Variants in RGS7 observed in about 807,000 individuals in gnomAD.
The protein encoded by RGS7 is regulator of G protein signaling 7.
In RGS7, 27 loss-of-function variants were observed where a neutral mutation model predicts 81.1. That is an observed-to-expected ratio of 0.33 (90% confidence interval 0.25 to 0.46). The LOEUF is 0.46. RGS7 is among the 20% of genes least tolerant of loss of function. The pLI is 1.00. For missense variants in RGS7, 396 were observed against 607.4 expected (o/e 0.65, Z 3.66); for synonymous variants, 208 against 207.7 (o/e 1.00, Z -0.01).
chr1:240,915,063 G>C (rs1672375366), intron 6 of RGS7, among the ~76,000 whole-genome samples: 1 of 152,202 alleles, frequency 6.6e-6, no homozygotes, highest in South Asian at 2.1e-4. Flanking sequence ...AGCCCTACTA[G>C]GTTTGCACAA....
At chr1:240,909,196 G>A (rs1423577548) in intron 6 of RGS7, among the ~76,000 whole-genome samples, 4 of 152,122 alleles carry the variant, frequency 2.6e-5, no homozygotes, top group African/African-American at 9.7e-5. Flanking sequence ...GAAAATTTAT[G>A]TTTATGTTAT....
intron 2 of RGS7, among the ~76,000 whole-genome samples, chr1:241,102,660 T>C (rs1235478932): frequency 2.0e-5 from 3 of 152,156 alleles, no homozygotes; most frequent in Non-Finnish European, 2.9e-5. Context: ...GTCTCGCAAG[T>C]ATGTAATCAT....
At chr1:240,840,175 A>G (rs1378809531) in intron 9 of RGS7, among the ~76,000 whole-genome samples, 1 of 152,098 alleles carries the variant, frequency 6.6e-6, no homozygotes, top group Non-Finnish European at 1.5e-5. Context: ...AACTACAGCG[A>G]CATCACATCG....
chr1:240,887,831 T>C (rs1667640699), intron 6 of RGS7, among the ~76,000 whole-genome samples: 1 of 152,198 alleles, frequency 6.6e-6, no homozygotes, highest in South Asian at 2.1e-4. Context: ...AATTATTAAT[T>C]CTTTCTGTTC....
At chr1:241,012,707 T>C (rs2059018396) in intron 3 of RGS7, among the ~76,000 whole-genome samples, 1 of 152,122 alleles carries the variant, frequency 6.6e-6, no homozygotes, top group Non-Finnish European at 1.5e-5. Flanking sequence ...GCTGCGAGAT[T>C]TGCATCTGTA....
intron 4 of RGS7, among the ~76,000 whole-genome samples, chr1:240,947,918 C>A (rs538362160): frequency 6.6e-6 from 1 of 152,280 alleles, no homozygotes; most frequent in East Asian, 1.9e-4. Flanking sequence ...TCACAGACCT[C>A]CTTGTTGCTC....
intron 2 of RGS7, among the ~76,000 whole-genome samples, chr1:241,275,666 T>C (rs1405253201): frequency 1.3e-5 from 2 of 152,220 alleles, no homozygotes; most frequent in Non-Finnish European, 2.9e-5. Flanking sequence ...GTCAAGGAAC[T>C]TCTTTTTCTA....
chr1:241,294,447 C>T (rs745716029), intron 2 of RGS7, among the ~76,000 whole-genome samples: 3 of 152,024 alleles, frequency 2.0e-5, no homozygotes, highest in Non-Finnish European at 4.4e-5. Flanking sequence ...ATAAAACATA[C>T]AATAAAATAA....
At chr1:241,003,615 A>C (rs184177759) in intron 3 of RGS7, among the ~76,000 whole-genome samples, 1 of 152,320 alleles carries the variant, frequency 6.6e-6, no homozygotes, top group Non-Finnish European at 1.5e-5. Context: ...ATCTTCACTA[A>C]GGATTTTGAG....
At chr1:241,154,163 T>C (rs1413856677) in intron 2 of RGS7, among the ~76,000 whole-genome samples, 1 of 152,144 alleles carries the variant, frequency 6.6e-6, no homozygotes, top group East Asian at 1.9e-4. Flanking sequence ...TTTCAGATAC[T>C]GATTAGTGCC....
rs577831088 is a variant in RGS7, at chr1:240,985,401, T to G, written c.176-2272A>C. Among the ~76,000 whole-genome samples, 7 of 152,330 alleles carry G rather than the reference T, an allele frequency of 4.6e-5. No homozygotes were observed. In the South Asian group the frequency reaches 1.4e-3, roughly 32 times the overall value. On this transcript the variant is annotated intron_variant, in intron 3 of 18. Coordinates refer to ENST00000440928, the MANE Select transcript of RGS7 (RefSeq NM_001364886.1). ...TGAAAAATGCTCTTAGAGACTAAGT[T>G]TTTAAAAATATTCTGTTCTGTTACG... is the stretch of plus-strand genomic sequence containing the variant.
intron 3 of RGS7, among the ~76,000 whole-genome samples, chr1:241,071,034 C>T (rs1019222151): frequency 6.6e-5 from 10 of 152,140 alleles, no homozygotes; most frequent in African/African-American, 2.2e-4. Flanking sequence ...ATATTGGTGG[C>T]AGGTAGCATT....
At chr1:241,349,736 T>C (rs1449192312) in intron 2 of RGS7, among the ~76,000 whole-genome samples, 4 of 152,222 alleles carry the variant, frequency 2.6e-5, no homozygotes, top group Non-Finnish European at 5.9e-5. Flanking sequence ...GACATCCATA[T>C]GCCTCCTTAT....
chr1:240,950,775 T>C (rs888415924), intron 4 of RGS7, among the ~76,000 whole-genome samples: 1 of 152,112 alleles, frequency 6.6e-6, no homozygotes, highest in African/African-American at 2.4e-5. Flanking sequence ...AGAATAAAAA[T>C]AAAAGCACTA....
chr1:240,814,347 A>G (rs192616140), intron 12 of RGS7, among the ~76,000 whole-genome samples: 1 of 152,332 alleles, frequency 6.6e-6, no homozygotes, highest in East Asian at 1.9e-4. Flanking sequence ...GTCAATTGTC[A>G]TTGTTAAAAT....
intron 2 of RGS7, among the ~76,000 whole-genome samples, chr1:241,111,980 G>A (rs1440193332): frequency 1.3e-5 from 2 of 152,112 alleles, no homozygotes; most frequent in Non-Finnish European, 2.9e-5. Flanking sequence ...TTCAAGGCTG[G>A]TACAGGACTA....
In RGS7 at chr1:241,347,949, C is replaced by G. The variant is rs1021950432; in HGVS notation, c.78+7750G>C. Among the ~76,000 whole-genome samples the G allele has an allele frequency of 2.0e-5, 3 of 151,990 alleles. No homozygotes were observed. The East Asian group carries it at 5.8e-4, about 29-fold the overall frequency. On this transcript the variant is annotated intron_variant, in intron 2 of 18. Coordinates refer to ENST00000440928, the MANE Select transcript of RGS7 (RefSeq NM_001364886.1). ...TCTACTTTGTTTTAAGCACTGTATG[C>G]AACTGTTTAAGTATAGCATATTGTT...
In RGS7 at chr1:241,135,426, GAAC is replaced by G. The variant is rs371003648; in HGVS notation, c.79-36667_79-36665del. 5.3e-3 allele frequency among the ~76,000 whole-genome samples: 800 copies of G among 152,138 alleles called. 4 individuals are homozygous for G. The highest frequency in any genetic ancestry group is 8.9e-3 in the Non-Finnish European group (607 of 67,976). On this transcript the variant is annotated intron_variant, in intron 2 of 18. Transcript: ENST00000440928. ...TGGGCGACAGAGCGAGACTCCGTCT[GAAC>G]AACAACAACAAAAAACAAAAAAAGC...
intron 3 of RGS7, among the ~76,000 whole-genome samples, chr1:241,030,920 T>A (rs1433569125): frequency 6.6e-6 from 1 of 152,052 alleles, no homozygotes; most frequent in Non-Finnish European, 1.5e-5. Context: ...GCATAGGGAG[T>A]GCCCTGCCCC....
Sources: allele counts gnomAD v4.1 joint callset (sites outside exome capture counted in the v4.1 genomes callset), GRCh38; gene constraint gnomAD v4.1.1; transcripts MANE v1.5; gene names NCBI Gene and HGNC (gene_info 2026-07-23, HGNC 2026-07-21).